Variants in VWA3A observed in about 807,000 individuals in gnomAD.
VWA3A encodes von Willebrand factor A domain containing 3A, also known as von Willebrand factor A domain-containing protein 3A.
A neutral mutation model predicts 160.4 loss-of-function variants in VWA3A; 134 were observed. The observed-to-expected ratio is 0.84, with a 90% CI of 0.73 to 0.96. The LOEUF (loss-of-function observed/expected upper bound fraction) is 0.96. Among genes scored for constraint, VWA3A ranks in the 40% least tolerant of loss-of-function variants. The probability of loss-of-function intolerance (pLI) is 0.00; values close to 1 mark genes in which losing one functional copy is unlikely to be tolerated. For synonymous variants in VWA3A, 476 were observed against 543.4 expected (o/e 0.88, Z 1.72); for missense variants, 1,310 against 1,447.9 (o/e 0.90, Z 1.55).
chr16:22,154,626 G>A (rs2046406443), intron 31 of VWA3A, among the ~76,000 whole-genome samples: 1 of 151,902 alleles, frequency 6.6e-6, no homozygotes. Context: ...TTTAAGGATA[G>A]GTGGCGAAAT....
chr16:22,116,615 G>T (rs1489493020), intron 9 of VWA3A, 144 bp from the exon 10 acceptor site: 19 of 681,668 alleles, frequency 2.8e-5, no homozygotes, highest in Non-Finnish European at 4.9e-5. Flanking sequence ...AGTCCACCTA[G>T]CCCTGCATGC....
chr16:22,118,224 T>C lies in VWA3A; in HGVS notation c.991-678T>C, dbSNP rs1372929322. ...TGAGCTCAGGAGTTTGAGGCTGCAG[T>C]GACCAATGATTGCACCACTGCACTC... On this transcript the variant is annotated intron_variant, in intron 11 of 33. Transcript: ENST00000389398. Among the ~76,000 whole-genome samples the C allele has an allele frequency of 1.3e-5, 2 of 152,152 alleles. 1 individual carries two copies. Among genetic ancestry groups the C allele is most frequent in the African/African-American group, 4.8e-5 (2 of 41,426 alleles).
Position 22,140,033 on chromosome 16 carries a change from G to A in VWA3A, c.2293-121G>A, listed in dbSNP as rs931373819. 9.9e-6 allele frequency: 9 copies of A among 907,706 alleles called. No homozygotes were observed. In the Admixed American group the frequency reaches 1.3e-4, roughly 13 times the overall value. 56.2% of individuals were successfully genotyped at this position (907,706 alleles called of 1,614,324 possible). A position where few individuals can be genotyped will look rare whatever the true frequency, so the allele number is the denominator to read the frequency against. ...GAGAGGGGCCAAACCTGTCTGAGGA[G>A]TCCCCTCCCTTAGGCTCCTCCCTAC... On this transcript the variant is annotated intron_variant, in intron 22 of 33. Transcript: ENST00000389398.
chr16:22,116,314 A>T (rs1014704402), intron 9 of VWA3A: 2 of 432,762 alleles, frequency 4.6e-6, no homozygotes, highest in African/African-American at 4.2e-5. Context: ...AAAAAAGAGA[A>T]AGGAAGGAAA....
At chr16:22,092,739 C>T (rs945820491) in intron 1 of VWA3A, 88 bp downstream of exon 1, 3 of 1,512,266 alleles carry the variant, frequency 2.0e-6, no homozygotes, top group Non-Finnish European at 2.7e-6. Context: ...GTGAGAAGAT[C>T]GAGGGAGCTT....
chr16:22,155,202 G>A (rs888782808), intron 31 of VWA3A, among the ~76,000 whole-genome samples: 1 of 151,952 alleles, frequency 6.6e-6, no homozygotes, highest in African/African-American at 2.4e-5. Context: ...TTCACTAGAA[G>A]AAATGCAAAA....
At chr16:22,104,520 A>G (rs1263397541) in intron 6 of VWA3A, among the ~76,000 whole-genome samples, 1 of 151,832 alleles carries the variant, frequency 6.6e-6, no homozygotes, top group African/African-American at 2.4e-5. Flanking sequence ...AACCCACAAA[A>G]GTTTGATTAA....
At chr16:22,150,070 C>T in intron 29 of VWA3A, 139 bp downstream of exon 29, 1 of 1,257,522 alleles carries the variant, frequency 8.0e-7, no homozygotes. Flanking sequence ...TTCCCAACAC[C>T]CGAGTGAGAA....
At chr16:22,107,078 G>T (rs759449433) in intron 6 of VWA3A, among the ~76,000 whole-genome samples, 5 of 152,306 alleles carry the variant, frequency 3.3e-5, no homozygotes, top group Non-Finnish European at 5.9e-5. Context: ...GGGTGCACAG[G>T]TCTGAAGTTC....
intron 6 of VWA3A, among the ~76,000 whole-genome samples, chr16:22,106,062 G>A (rs1375902811): frequency 6.6e-6 from 1 of 152,172 alleles, no homozygotes; most frequent in African/African-American, 2.4e-5. Flanking sequence ...CTGAGTAAGG[G>A]AACAGAGGGT....
Position 22,123,153 on chromosome 16 carries a change from C to T in VWA3A, c.1425C>T (p.Leu475=), listed in dbSNP as rs555969660. ...VKNIHVDPPF[L]YKYQQQLSRA... ...ACATTCATGTGGACCCACCCTTCCT[C>T]TATAAGTACCAGGTCAGTGATGGGT... The change falls in exon 15 of 34, where the codon CTC becomes CTT. Residue 475 remains leucine, a synonymous_variant. Transcript: ENST00000389398. 7 of 1,603,052 alleles carry T rather than the reference C, an allele frequency of 4.4e-6. No individual in the cohort carries two copies. The South Asian group carries it at 6.8e-5, about 15-fold the overall frequency.
intron 25 of VWA3A, among the ~76,000 whole-genome samples, chr16:22,143,947 C>A (rs980270424): frequency 1.3e-5 from 2 of 151,746 alleles, no homozygotes; most frequent in African/African-American, 2.4e-5. Flanking sequence ...ACCATGTTGG[C>A]CAGGCTGTTC....
chr16:22,092,700 G>A (rs1901373031), intron 1 of VWA3A, 49 bp downstream of exon 1: 2 of 1,548,770 alleles, frequency 1.3e-6, no homozygotes, highest in Admixed American at 2.0e-5. Flanking sequence ...GAGGGTGTCG[G>A]GGAGGCCAGA....
chr16:22,138,510 A>G lies in VWA3A; in HGVS notation c.2290A>G (p.Met764Val), dbSNP rs773374635. The part of the protein sequence containing the change: ...PRPTVPLGAR[M>V]SIKDDPDREK... ...GCCCACCGTCCCCCTGGGGGCCAGA[A>G]TGGTTTGACTCCCCTCCTAATAACA... The change falls in exon 22 of 34, where the codon ATG becomes GTG. Residue 764 changes from methionine (M) to valine (V), a missense_variant and splice_region_variant. Transcript: ENST00000389398. 35 of 1,613,832 alleles carry G rather than the reference A, an allele frequency of 2.2e-5. 1 individual carries two copies. The South Asian group carries it at 3.1e-4, about 14-fold the overall frequency.
At chr16:22,107,959 G>A (rs942234071) in intron 6 of VWA3A, among the ~76,000 whole-genome samples, 6 of 152,172 alleles carry the variant, frequency 3.9e-5, no homozygotes, top group Non-Finnish European at 8.8e-5. Flanking sequence ...TAGTGTCCTG[G>A]AAGACATGTG....
rs1057431388 is a variant in VWA3A, at chr16:22,143,850, C to G, written c.2593-397C>G. ...CCGCCTCCTGGGTTCAAACGATTCT[C>G]CTGCCTCAGCCTCCCAAGTAGCTGG... is the stretch of plus-strand genomic sequence containing the variant. On this transcript the variant is annotated intron_variant, in intron 25 of 33. Coordinates refer to ENST00000389398, the MANE Select transcript of VWA3A (RefSeq NM_173615.5). Among the ~76,000 whole-genome samples, 3 of 151,694 alleles carry G rather than the reference C, an allele frequency of 2.0e-5. No individual in the cohort carries two copies. The South Asian group carries it at 6.3e-4, about 32-fold the overall frequency.
intron 16 of VWA3A, 46 bp downstream of exon 16, chr16:22,123,753 T>G: frequency 6.5e-7 from 1 of 1,535,804 alleles, no homozygotes; most frequent in Non-Finnish European, 8.9e-7. Flanking sequence ...GTCTGGTGTG[T>G]GACGTGACAT....
At chr16:22,116,932 G>C in intron 10 of VWA3A, 65 bp downstream of exon 10, 2 of 1,516,108 alleles carry the variant, frequency 1.3e-6, no homozygotes, top group Non-Finnish European at 1.8e-6. Context: ...GCTGGCCTTT[G>C]AGGCCTCATG....
chr16:22,106,521 G>A (rs1282005239), intron 6 of VWA3A, among the ~76,000 whole-genome samples: 1 of 152,118 alleles, frequency 6.6e-6, no homozygotes, highest in Non-Finnish European at 1.5e-5. Flanking sequence ...AAGCAGAGGA[G>A]ACAGCAAGTC....
Sources: gnomAD v4.1 joint callset for allele counts (sites outside exome capture counted in the v4.1 genomes callset) on GRCh38, gnomAD v4.1.1 for gene constraint, MANE v1.5 for transcripts, NCBI Gene and HGNC (gene_info 2026-07-23, HGNC 2026-07-21) for gene names.